Variants in PHEX observed in about 807,000 individuals in gnomAD.
PHEX encodes phosphate regulating endopeptidase X-linked.
A neutral mutation model predicts 68.0 loss-of-function variants in PHEX; 16 were observed. That is an observed-to-expected ratio of 0.24 (90% confidence interval 0.16 to 0.36). The LOEUF is 0.36. Among genes scored for constraint, PHEX ranks in the 10% least tolerant of loss-of-function variants. The probability of loss-of-function intolerance (pLI) is 1.00; values close to 1 mark genes in which losing one functional copy is unlikely to be tolerated. For missense variants in PHEX, 480 were observed against 575.5 expected (o/e 0.83, Z 1.70); for synonymous variants, 208 against 205.1 (o/e 1.01, Z -0.12).
At chrX:22,120,625 A>G (rs1202743583) in intron 11 of PHEX, among the ~76,000 whole-genome samples, 1 of 111,564 alleles carries the variant, frequency 9.0e-6, no homozygotes, top group Non-Finnish European at 1.9e-5. Context: ...GACGGAAATG[A>G]TAAGAAGCAA....
At chrX:22,047,796 C>T (rs1927612794) in intron 3 of PHEX, among the ~76,000 whole-genome samples, 2 of 111,630 alleles carry the variant, frequency 1.8e-5, no homozygotes, top group African/African-American at 6.5e-5. Flanking sequence ...CATTCCCCTG[C>T]CCCCCGCCAA....
chrX:22,190,411 A>C (rs1569422865), intron 14 of PHEX, 33 bp from the exon 15 acceptor site: 4 of 1,065,337 alleles, frequency 3.8e-6, no homozygotes, highest in Admixed American at 2.2e-5. Flanking sequence ...TATAATGATG[A>C]TTGCTCTCTG....
At chrX:22,191,086 C>A (rs780016771) in intron 15 of PHEX, among the ~76,000 whole-genome samples, 42 of 111,992 alleles carry the variant, frequency 3.8e-4, no homozygotes, top group African/African-American at 1.3e-3. Context: ...GTGGTACGAT[C>A]CTGGCTCACT....
chrX:22,143,957 T>C (rs899702074), intron 12 of PHEX, among the ~76,000 whole-genome samples: 4 of 111,833 alleles, frequency 3.6e-5, no homozygotes, highest in African/African-American at 9.7e-5. Flanking sequence ...GACTACTTTA[T>C]TTTTGTATTT....
chrX:22,093,716 G>T (rs989113613), intron 6 of PHEX, among the ~76,000 whole-genome samples: 1 of 111,515 alleles, frequency 9.0e-6, no homozygotes, highest in Non-Finnish European at 1.9e-5. Flanking sequence ...TAATATCGAC[G>T]GTTGCCAGAA....
chrX:22,234,626 CA>C lies in PHEX; in HGVS notation c.2070+7017del, dbSNP rs773594518. On this transcript the variant is annotated intron_variant, in intron 20 of 21. Coordinates refer to ENST00000379374, the MANE Select transcript of PHEX (RefSeq NM_000444.6). ...GGAACGCCCCTTCCCCCCCCAAGCTCAAGTGTCCCAGGTCAATCTCAGACTG... is the reference window on the plus strand; with the variant it reads ...GGAACGCCCCTTCCCCCCCCAAGCTCAGTGTCCCAGGTCAATCTCAGACTG... Among the ~76,000 whole-genome samples the C allele has an allele frequency of 5.7e-3, 620 of 109,502 alleles. 7 individuals carry two copies. The highest frequency in any genetic ancestry group is 0.02 in the African/African-American group (598 of 29,716).
At chrX:22,094,187 A>G (rs1168256389) in intron 7 of PHEX, 88 bp downstream of exon 7, 2 of 536,558 alleles carry the variant, frequency 3.7e-6, no homozygotes, top group Non-Finnish European at 6.4e-6. Flanking sequence ...TAAAGGCAGT[A>G]TATCCTGAAT....
chrX:22,124,219 G>A (rs1471950015), intron 11 of PHEX, among the ~76,000 whole-genome samples: 1 of 111,942 alleles, frequency 8.9e-6, no homozygotes, highest in Non-Finnish European at 1.9e-5. Flanking sequence ...AATCGTGACA[G>A]CTCATTTATG....
At chrX:22,224,558 G>A (rs775757272) in intron 18 of PHEX, among the ~76,000 whole-genome samples, 4 of 111,501 alleles carry the variant, frequency 3.6e-5, no homozygotes, top group Non-Finnish European at 7.5e-5. Flanking sequence ...TTGTGGGAAT[G>A]GGTGCACAGT....
chrX:22,219,114 G>T lies in PHEX; in HGVS notation c.1768+11G>T. 9.1e-7 allele frequency: 1 copy of T among 1,093,653 alleles called. No individual in the cohort carries two copies. The highest frequency in any genetic ancestry group is 1.3e-6 in the Non-Finnish European group (1 of 787,848). 90.1% of individuals were successfully genotyped at this position (1,093,653 alleles called of 1,213,427 possible). A position where few individuals can be genotyped will look rare whatever the true frequency, so the allele number is the denominator to read the frequency against. On this transcript the variant is annotated intron_variant, in intron 17 of 21. Coordinates refer to ENST00000379374, the MANE Select transcript of PHEX (RefSeq NM_000444.6). Reference sequence around the variant, plus strand: ...GATTTGATAATAATGGTAAGTACCGGTTCATTTTATAAGCTGCTGCTTTTA... The same window carrying T: ...GATTTGATAATAATGGTAAGTACCGTTTCATTTTATAAGCTGCTGCTTTTA...
chrX:22,113,050 TG>T (rs1931062045), intron 10 of PHEX, among the ~76,000 whole-genome samples: 2 of 97,889 alleles, frequency 2.0e-5, no homozygotes, highest in Non-Finnish European at 3.9e-5. Flanking sequence ...TGTGTGTGTG[TG>T]TGTTTGTGTG....
chrX:22,192,834 G>A (rs962889990), intron 15 of PHEX, among the ~76,000 whole-genome samples: 3 of 111,736 alleles, frequency 2.7e-5, no homozygotes, highest in East Asian at 2.8e-4. Flanking sequence ...GAGGACAGCC[G>A]GAAGGCTGTG....
chrX:22,134,535 G>C (rs1466755045), intron 12 of PHEX, among the ~76,000 whole-genome samples: 1 of 112,615 alleles, frequency 8.9e-6, no homozygotes, highest in African/African-American at 3.2e-5. Flanking sequence ...GGAGGTTGCA[G>C]TGAGTTGAGA....
chrX:22,137,146 C>CA (rs1043888134), intron 12 of PHEX, among the ~76,000 whole-genome samples: 27 of 111,925 alleles, frequency 2.4e-4, no homozygotes, highest in African/African-American at 8.1e-4. Flanking sequence ...AAGGTCGCTA[C>CA]ATCAGGATTC....
Position 22,237,845 on chromosome X carries a change from G to A in PHEX, c.2071-7488G>A, listed in dbSNP as rs1204256012. Among the ~76,000 whole-genome samples the A allele has an allele frequency of 2.7e-5, 3 of 112,395 alleles. No individual in the cohort carries two copies. The East Asian group carries it at 8.4e-4, about 31-fold the overall frequency. On this transcript the variant is annotated intron_variant, in intron 20 of 21. Coordinates refer to ENST00000379374, the MANE Select transcript of PHEX (RefSeq NM_000444.6). Reference sequence around the variant, plus strand: ...TGTCCTAGTTCAATTCACACTTGAAGACCATATCATACCTCAAGTCATATG... The same window carrying A: ...TGTCCTAGTTCAATTCACACTTGAAAACCATATCATACCTCAAGTCATATG...
Position 22,169,082 on chromosome X carries a change from GAA to G in PHEX, c.1482+696_1482+697del, listed in dbSNP as rs748888239. 4.1e-3 allele frequency among the ~76,000 whole-genome samples: 458 copies of G among 111,640 alleles called. 1 individual carries two copies. The highest frequency in any genetic ancestry group is 6.9e-3 in the Non-Finnish European group (366 of 53,139). ...TTTTTACTATTCACTAGATTTTCTT[GAA>G]AATGTAGTCTTTTGAAATTCTTTAA... On this transcript the variant is annotated intron_variant, in intron 13 of 21. Transcript: ENST00000379374.
intron 5 of PHEX, among the ~76,000 whole-genome samples, chrX:22,079,207 C>G (rs1929282354): frequency 8.9e-6 from 1 of 111,862 alleles, no homozygotes; most frequent in Admixed American, 9.5e-5. Context: ...TGAATAATTG[C>G]AAACGGTAGC....
chrX:22,149,669 G>A (rs895475680), intron 12 of PHEX, among the ~76,000 whole-genome samples: 2 of 112,604 alleles, frequency 1.8e-5, no homozygotes, highest in East Asian at 2.8e-4. Flanking sequence ...CAGGAGAATC[G>A]CTTGAACCTG....
chrX:22,211,933 G>A (rs1466811449), intron 15 of PHEX, among the ~76,000 whole-genome samples: 1 of 111,610 alleles, frequency 9.0e-6, no homozygotes, highest in Admixed American at 9.5e-5. Context: ...AGAACAGTAT[G>A]GGGGAAACCG....
Sources: allele counts gnomAD v4.1 joint callset (sites outside exome capture counted in the v4.1 genomes callset), GRCh38; gene constraint gnomAD v4.1.1; transcripts MANE v1.5; gene names NCBI Gene and HGNC (gene_info 2026-07-23, HGNC 2026-07-21).